DNAH2: variants seen among roughly 807,000 people sequenced by gnomAD.
DNAH2 encodes the protein dynein axonemal heavy chain 2.
In DNAH2, 323 loss-of-function variants were observed where a neutral mutation model predicts 523.5. The ratio of observed to expected loss-of-function variants is 0.62; its 90% confidence interval spans 0.56 to 0.68. The LOEUF is 0.68. Ranked by LOEUF, DNAH2 falls within the 30% of genes least tolerant of loss-of-function variation. The pLI is 0.00. For synonymous variants in DNAH2, 2,093 were observed against 2,177.4 expected, an observed-to-expected ratio of 0.96 and a Z score of 1.08; for missense variants, 4,907 against 5,701.5, an observed-to-expected ratio of 0.86 and a Z score of 4.49.
At chr17:7,825,545 A>T (rs550209557) in intron 77 of DNAH2, among the ~76,000 whole-genome samples, 1 of 152,132 alleles carries the variant, frequency 6.6e-6, no homozygotes, top group Admixed American at 6.5e-5. Flanking sequence ...GTCTTTTGAC[A>T]TATCATTTAT....
chr17:7,722,759 A>G (rs560730256), intron 2 of DNAH2, among the ~76,000 whole-genome samples: 1 of 152,154 alleles, frequency 6.6e-6, no homozygotes, highest in East Asian at 1.9e-4. Context: ...GCATGTTTAT[A>G]TCACCTTTTG....
intron 63 of DNAH2, among the ~76,000 whole-genome samples, chr17:7,808,861 C>A (rs1001009385): frequency 6.6e-6 from 1 of 152,234 alleles, no homozygotes; most frequent in African/African-American, 2.4e-5. Context: ...CTGCCAGCCT[C>A]AGCCTCTCAA....
intron 4 of DNAH2, among the ~76,000 whole-genome samples, chr17:7,728,410 G>A (rs537324928): frequency 4.6e-5 from 7 of 152,310 alleles, no homozygotes; most frequent in African/African-American, 1.7e-4. Flanking sequence ...ATGGCCCTGT[G>A]AAACAATGAC....
At chr17:7,817,732 G>A (rs1016682581) in intron 66 of DNAH2, 23 bp downstream of exon 66, 1 of 1,614,156 alleles carries the variant, frequency 6.2e-7, no homozygotes, top group Admixed American at 1.7e-5. Flanking sequence ...CTGGGCGTGG[G>A]GGCGGTACGG....
At chr17:7,778,577 C>A in intron 35 of DNAH2, 108 bp downstream of exon 35, 1 of 999,792 alleles carries the variant, frequency 1.0e-6, no homozygotes, top group Non-Finnish European at 1.4e-6. Flanking sequence ...CATGACATTG[C>A]ATCACATGTA....
rs752932238 is a variant in DNAH2 at position 7,801,659 on chromosome 17, C to G, written c.8781C>G (p.Leu2927=). 6.2e-7 allele frequency: 1 copy of G among 1,614,136 alleles called. No homozygotes were observed. The highest frequency in any genetic ancestry group is 1.1e-5 in the South Asian group (1 of 91,080). The change falls in exon 57 of 86, where the codon CTC becomes CTG. Residue 2927 remains leucine, a synonymous_variant. Transcript: ENST00000572933. ...WFSEWPQEAL[L]EVAEKCLIGV... ...CAGAGTGGCCCCAAGAGGCCCTGCT[C>G]GAGGTGGCTGAGAAGTGCCTCATAG...
At chr17:7,761,241 G>A (rs921947258) in intron 18 of DNAH2, among the ~76,000 whole-genome samples, 1 of 152,116 alleles carries the variant, frequency 6.6e-6, no homozygotes, top group African/African-American at 2.4e-5. Flanking sequence ...GAAGGCAGAT[G>A]GGAGTTAAAT....
At position 7,794,194 on chromosome 17, in the gene DNAH2, C is replaced by G. The variant is rs1312078037; in HGVS notation, c.7570-60C>G. ...CCACTCCTTTTCACCTGGCCTGTGT[C>G]GGCGCCTCTCTTGCCCTCTCCCCTC... On this transcript the variant is annotated intron_variant, in intron 48 of 85. Transcript: ENST00000572933. 2.4e-6 allele frequency: 3 copies of G among 1,272,426 alleles called. No homozygotes were observed. In the African/African-American group the frequency reaches 4.6e-5, roughly 20 times the overall value. The allele number at this position is 1,272,426 out of a possible 1,614,324, so 78.8% of individuals were successfully genotyped here.
intron 2 of DNAH2, among the ~76,000 whole-genome samples, chr17:7,720,558 A>G (rs1171680134): frequency 6.6e-6 from 1 of 152,114 alleles, no homozygotes; most frequent in African/African-American, 2.4e-5. Flanking sequence ...GGTTTTTGGT[A>G]GTTGTTGCTA....
In DNAH2 at chr17:7,805,287, G is replaced by A. The variant is rs1284778588; in HGVS notation, c.9336G>A (p.Glu3112=). The change falls in exon 61 of 86, where the codon GAG becomes GAA. Residue 3112 remains glutamate, a synonymous_variant. Coordinates refer to ENST00000572933, the MANE Select transcript of DNAH2 (RefSeq NM_020877.5). The part of the protein sequence containing the change: ...LESLNKKDIG[E]IKSYGRPPAQ... ...CTCTGAACAAGAAGGATATAGGAGA[G>A]ATCAAGTCTTATGGACGGCCCCCAG... 6 of 1,614,106 alleles carry A rather than the reference G, an allele frequency of 3.7e-6. No homozygotes were observed. The Admixed American group carries it at 1.0e-4, about 27-fold the overall frequency.
chr17:7,824,254 A>G lies in DNAH2; in HGVS notation c.11612A>G (p.Gln3871Arg), dbSNP rs761580688. Residue 3871 changes from glutamine (Q) to arginine (R), a missense_variant, in exon 76 of 86, where the codon CAG (glutamine) becomes CGG (arginine). Transcript: ENST00000572933. ...AQRFHALSLG[Q>R]GQAPIAARLL... ...CGCTTCCACGCCCTGTCCCTGGGCC[A>G]GGGCCAGGCCCCCATCGCTGCTCGG... 6 of 1,579,102 alleles carry G rather than the reference A, an allele frequency of 3.8e-6. No homozygotes were observed. The East Asian group carries it at 1.3e-4, about 35-fold the overall frequency.
chr17:7,789,593 T>C (rs1039299280), intron 44 of DNAH2, among the ~76,000 whole-genome samples: 1 of 151,690 alleles, frequency 6.6e-6, no homozygotes, highest in Non-Finnish European at 1.5e-5. Context: ...TTTTTTTTTT[T>C]TGAGATGGAG....
intron 11 of DNAH2, 125 bp from the exon 12 acceptor site, chr17:7,742,803 A>G (rs932635036): frequency 1.8e-5 from 10 of 567,588 alleles, no homozygotes; most frequent in African/African-American, 1.6e-4. Context: ...ATCCATCTCC[A>G]TAGCAAGCCT....
Position 7,719,910 on chromosome 17 carries a change from T to C in DNAH2, c.166+10T>C. 1 of 1,511,438 alleles carries C rather than the reference T, an allele frequency of 6.6e-7. No homozygotes were observed. Among genetic ancestry groups the C allele is most frequent in the Non-Finnish European group, 8.8e-7 (1 of 1,130,642 alleles). 93.6% of individuals were successfully genotyped at this position (1,511,438 alleles called of 1,614,324 possible). A position where few individuals can be genotyped will look rare whatever the true frequency, so the allele number is the denominator to read the frequency against. On this transcript the variant is annotated intron_variant, in intron 2 of 85. Transcript: ENST00000572933. ...CCCAAGGAGGAGCCTGGTGGGTACT[T>C]GCTGGGGCAGAGGATGCTTAGCAAT...
At position 7,805,398 on chromosome 17, in the gene DNAH2, G is replaced by A. The variant is rs1284733510; in HGVS notation, c.9442+5G>A. The stretch of plus-strand genomic sequence containing the variant: ...CAGAGGCCAAGAGGCAGCTAGGTAA[G>A]CTAGAGACAATGAAATCAATGACTT... On this transcript the variant is annotated splice_donor_5th_base_variant and intron_variant, in intron 61 of 85. Transcript: ENST00000572933. 1 of 1,614,162 alleles carries A rather than the reference G, an allele frequency of 6.2e-7. No homozygotes were observed. Among genetic ancestry groups the A allele is most frequent in the Admixed American group, 1.7e-5 (1 of 60,032 alleles).
intron 77 of DNAH2, among the ~76,000 whole-genome samples, chr17:7,827,119 T>C (rs950348030): frequency 2.0e-5 from 3 of 152,148 alleles, no homozygotes; most frequent in African/African-American, 7.2e-5. Context: ...ATTCATGATG[T>C]TCTTCGCGTT....
Position 7,789,766 on chromosome 17 carries a change from T to C in DNAH2, c.6900+1522T>C, listed in dbSNP as rs1392809628. ...TAATTTTTTGTACTTTTAGTAGAGATGGGGTTTCACCTTGTTGGTCAAGCT... is the reference window on the plus strand; with the variant it reads ...TAATTTTTTGTACTTTTAGTAGAGACGGGGTTTCACCTTGTTGGTCAAGCT... On this transcript the variant is annotated intron_variant, in intron 44 of 85. Coordinates refer to ENST00000572933, the MANE Select transcript of DNAH2 (RefSeq NM_020877.5). Among the ~76,000 whole-genome samples, 9 of 152,110 alleles carry C rather than the reference T, an allele frequency of 5.9e-5. No individual in the cohort carries two copies. The East Asian group carries it at 1.7e-3, about 29-fold the overall frequency.
intron 63 of DNAH2, among the ~76,000 whole-genome samples, chr17:7,808,698 C>A (rs1473951630): frequency 6.6e-6 from 1 of 152,196 alleles, no homozygotes; most frequent in Admixed American, 6.5e-5. Context: ...CAACCTCCAC[C>A]TCCTGGGTTC....
At chr17:7,783,276 C>G (rs2076650554) in intron 39 of DNAH2, among the ~76,000 whole-genome samples, 2 of 152,008 alleles carry the variant, frequency 1.3e-5, no homozygotes, top group South Asian at 4.1e-4. Context: ...GGGGTTTCTC[C>G]ATGTTGGTCA....
Sources: gnomAD v4.1 joint callset for allele counts (sites outside exome capture counted in the v4.1 genomes callset) on GRCh38, gnomAD v4.1.1 for gene constraint, MANE v1.5 for transcripts, NCBI Gene and HGNC (gene_info 2026-07-23, HGNC 2026-07-21) for gene names.